The following KIAA1328 variants were observed in gnomAD, a reference collection of about 807,000 sequenced individuals.
The protein encoded by KIAA1328 is KIAA1328, also known as protein hinderin.
Under a neutral mutation model 68.1 loss-of-function variants are expected in KIAA1328, and 52 were observed. The observed-to-expected ratio is 0.76, with a 90% CI of 0.61 to 0.96. The LOEUF (loss-of-function observed/expected upper bound fraction) is 0.96, where lower values mean the gene tolerates loss of function less well. Among genes scored for constraint, KIAA1328 ranks in the 40% least tolerant of loss-of-function variants. The probability of loss-of-function intolerance (pLI) is 0.00; values close to 1 mark genes in which losing one functional copy is unlikely to be tolerated. For missense variants in KIAA1328, 641 were observed against 677.6 expected (o/e 0.95, Z 0.60); for synonymous variants, 232 against 239.4 (o/e 0.97, Z 0.28).
At chr18:36,843,849 A>G in intron 3 of KIAA1328, among the ~76,000 whole-genome samples, 1 of 152,158 alleles carries the variant, frequency 6.6e-6, no homozygotes. Flanking sequence ...TAATCTTCGT[A>G]TACCCTTAAG....
chr18:36,970,058 A>G (rs1015816832), intron 6 of KIAA1328, among the ~76,000 whole-genome samples: 2 of 152,242 alleles, frequency 1.3e-5, no homozygotes, highest in Admixed American at 6.5e-5. Context: ...AAAATCCTCA[A>G]TAAAATACTG....
chr18:36,853,810 C>G (rs2047295172), intron 4 of KIAA1328, among the ~76,000 whole-genome samples: 1 of 152,156 alleles, frequency 6.6e-6, no homozygotes, highest in Admixed American at 6.5e-5. Context: ...TGCCCGCCAC[C>G]AAGCCCAGCT....
At chr18:36,970,137 G>T (rs1014807524) in intron 6 of KIAA1328, among the ~76,000 whole-genome samples, 1 of 152,210 alleles carries the variant, frequency 6.6e-6, no homozygotes, top group Non-Finnish European at 1.5e-5. Flanking sequence ...TCCCTGGGAT[G>T]CAAGGCTGGT....
chr18:37,156,235 C>T (rs2059148783), intron 7 of KIAA1328, among the ~76,000 whole-genome samples: 1 of 151,740 alleles, frequency 6.6e-6, no homozygotes, highest in Non-Finnish European at 1.5e-5. Context: ...GGAGAAACCC[C>T]ATCTCTACTA....
intron 6 of KIAA1328, among the ~76,000 whole-genome samples, chr18:36,981,319 G>A (rs1301174356): frequency 5.3e-5 from 6 of 114,066 alleles, no homozygotes; most frequent in South Asian, 2.6e-4. Context: ...AGAATAAACC[G>A]TAACTAAACT....
chr18:36,854,025 G>A (rs930163638), intron 4 of KIAA1328, among the ~76,000 whole-genome samples: 2 of 152,194 alleles, frequency 1.3e-5, no homozygotes, highest in Non-Finnish European at 2.9e-5. Flanking sequence ...TTAATCCTCA[G>A]TATCTCAGAA....
chr18:36,989,574 C>T (rs2053085099), intron 6 of KIAA1328, among the ~76,000 whole-genome samples: 1 of 152,166 alleles, frequency 6.6e-6, no homozygotes, highest in Non-Finnish European at 1.5e-5. Context: ...AAGAAGAGAC[C>T]TTCAGCCCCA....
intron 4 of KIAA1328, among the ~76,000 whole-genome samples, chr18:36,876,624 A>G (rs528846736): frequency 2.1e-4 from 32 of 152,156 alleles, no homozygotes; most frequent in Non-Finnish European, 3.8e-4. Context: ...TCAAAAAACC[A>G]GCTCCTGGAT....
intron 7 of KIAA1328, among the ~76,000 whole-genome samples, chr18:37,095,822 T>C (rs1164303470): frequency 6.6e-6 from 1 of 152,084 alleles, no homozygotes; most frequent in Non-Finnish European, 1.5e-5. Flanking sequence ...ACAACTGATA[T>C]CACAGAAACA....
chr18:37,074,211 C>G (rs945653947), intron 7 of KIAA1328, among the ~76,000 whole-genome samples: 1 of 152,164 alleles, frequency 6.6e-6, no homozygotes, highest in African/African-American at 2.4e-5. Flanking sequence ...GTTTTTTCCT[C>G]TATGACTTTG....
At chr18:36,836,250 G>T (rs927628396) in intron 3 of KIAA1328, among the ~76,000 whole-genome samples, 1 of 152,150 alleles carries the variant, frequency 6.6e-6, no homozygotes, top group Non-Finnish European at 1.5e-5. Flanking sequence ...TCACACTGGG[G>T]TGTGAATAGT....
At chr18:37,072,046 G>T (rs1156482038) in intron 7 of KIAA1328, among the ~76,000 whole-genome samples, 1 of 152,086 alleles carries the variant, frequency 6.6e-6, no homozygotes, top group Non-Finnish European at 1.5e-5. Context: ...ATAAGTTACA[G>T]AATAATTTAG....
chr18:36,903,981 C>T (rs1455893380), intron 5 of KIAA1328, among the ~76,000 whole-genome samples: 1 of 151,988 alleles, frequency 6.6e-6, no homozygotes, highest in Non-Finnish European at 1.5e-5. Context: ...AATAAGATCC[C>T]CAGGTGATCT....
At chr18:36,942,283 C>A (rs562509121) in intron 5 of KIAA1328, among the ~76,000 whole-genome samples, 44 of 152,348 alleles carry the variant, frequency 2.9e-4, no homozygotes, top group African/African-American at 1.0e-3. Flanking sequence ...GTGTTTCTCA[C>A]AGTGATATTC....
intron 5 of KIAA1328, chr18:36,946,201 A>G (rs761059173): frequency 4.6e-5 from 7 of 152,222 alleles, no homozygotes; most frequent in Non-Finnish European, 8.8e-5. Flanking sequence ...GGATTATTTT[A>G]CATCTCTTAT....
At chr18:36,878,516 T>G (rs2048218791) in intron 4 of KIAA1328, among the ~76,000 whole-genome samples, 1 of 152,172 alleles carries the variant, frequency 6.6e-6, no homozygotes, top group Non-Finnish European at 1.5e-5. Context: ...TCGAGGAATA[T>G]CTTTGTGGTG....
At chr18:36,986,032 T>C (rs983197995) in intron 6 of KIAA1328, among the ~76,000 whole-genome samples, 1 of 152,134 alleles carries the variant, frequency 6.6e-6, no homozygotes, top group African/African-American at 2.4e-5. Context: ...ATTGTACAAC[T>C]ACCCTGCAAA....
At chr18:37,022,557 A>G (rs1244277245) in intron 6 of KIAA1328, among the ~76,000 whole-genome samples, 2 of 152,186 alleles carry the variant, frequency 1.3e-5, no homozygotes, top group African/African-American at 2.4e-5. Context: ...ATTTAATAAT[A>G]TGACCTGGAA....
chr18:36,862,684 C>A (rs1192084503), intron 4 of KIAA1328, among the ~76,000 whole-genome samples: 1 of 152,144 alleles, frequency 6.6e-6, no homozygotes, highest in Admixed American at 6.5e-5. Flanking sequence ...TTTGTGTGAA[C>A]ATCACATTTT....
Sources: gnomAD v4.1 joint callset for allele counts (sites outside exome capture counted in the v4.1 genomes callset) on GRCh38, gnomAD v4.1.1 for gene constraint, MANE v1.5 for transcripts, NCBI Gene and HGNC (gene_info 2026-07-23, HGNC 2026-07-21) for gene names.